GPC5: variants seen among roughly 807,000 people sequenced by gnomAD.
GPC5 encodes glypican-5.
Under a neutral mutation model 53.9 loss-of-function variants are expected in GPC5, and 47 were observed. That is an observed-to-expected ratio of 0.87 (90% CI 0.69 to 1.11). The LOEUF (loss-of-function observed/expected upper bound fraction) is 1.11. GPC5 is among the 50% of genes most tolerant of loss of function. The probability of loss-of-function intolerance (pLI) is 0.00; values close to 1 mark genes in which losing one functional copy is unlikely to be tolerated. For synonymous variants in GPC5, 286 were observed against 263.3 expected (o/e 1.09, Z -0.84); for missense variants, 748 against 713.1 (o/e 1.05, Z -0.56).
intron 7 of GPC5, among the ~76,000 whole-genome samples, chr13:92,497,938 C>T (rs2138925959): frequency 6.6e-6 from 1 of 152,060 alleles, no homozygotes; most frequent in Middle Eastern, 3.4e-3. Context: ...TTGCACATTG[C>T]TTTTGTATCC....
At chr13:92,841,177 T>C (rs995104542) in intron 7 of GPC5, among the ~76,000 whole-genome samples, 5 of 152,162 alleles carry the variant, frequency 3.3e-5, no homozygotes, top group Non-Finnish European at 7.4e-5. Context: ...TTTGTGTGCT[T>C]CACAAATTAT....
intron 7 of GPC5, among the ~76,000 whole-genome samples, chr13:92,330,004 CT>C (rs5805738): frequency 1.5e-4 from 23 of 151,758 alleles, no homozygotes; most frequent in East Asian, 3.9e-4. Context: ...ACAAACAAAA[CT>C]TTTTTTTTAA....
At chr13:91,448,108 C>G (rs1323523571) in intron 1 of GPC5, among the ~76,000 whole-genome samples, 3 of 152,200 alleles carry the variant, frequency 2.0e-5, no homozygotes, top group Non-Finnish European at 1.5e-5. Flanking sequence ...ATGCAATATA[C>G]ATCTTCACAG....
chr13:91,458,392 T>C (rs1367016295), intron 2 of GPC5, among the ~76,000 whole-genome samples: 3 of 152,106 alleles, frequency 2.0e-5, no homozygotes, highest in Non-Finnish European at 2.9e-5. Context: ...TTATATTGAA[T>C]GGGGAAAACT....
intron 7 of GPC5, among the ~76,000 whole-genome samples, chr13:92,177,841 G>A (rs1566471617): frequency 6.6e-6 from 1 of 152,138 alleles, no homozygotes; most frequent in Non-Finnish European, 1.5e-5. Context: ...AAAGCTCAAC[G>A]AAAATTGGCT....
At chr13:92,730,394 A>G (rs944258848) in intron 7 of GPC5, among the ~76,000 whole-genome samples, 5 of 151,326 alleles carry the variant, frequency 3.3e-5, no homozygotes, top group African/African-American at 1.2e-4. Context: ...ACCACCTTAT[A>G]ATGTTTTCCT....
Position 92,237,782 on chromosome 13 carries a change from A to G in GPC5, c.1561+92793A>G, listed in dbSNP as rs957960702. Among the ~76,000 whole-genome samples the G allele has an allele frequency of 3.3e-5, 5 of 152,222 alleles. No homozygotes were observed. The East Asian group carries it at 9.7e-4, about 29-fold the overall frequency. On this transcript the variant is annotated intron_variant, in intron 7 of 7. Coordinates refer to ENST00000377067, the MANE Select transcript of GPC5 (RefSeq NM_004466.6). ...CCACAATAAATTTTAGAACATTTTC[A>G]TCACCCCATAAAGAAACAACTTGCC...
At chr13:91,417,106 C>T (rs1227566024) in intron 1 of GPC5, among the ~76,000 whole-genome samples, 1 of 152,000 alleles carries the variant, frequency 6.6e-6, no homozygotes, top group African/African-American at 2.4e-5. Flanking sequence ...TTGTTAGAAC[C>T]TCTGAGGGAG....
intron 2 of GPC5, among the ~76,000 whole-genome samples, chr13:91,524,588 T>G (rs1885998663): frequency 6.6e-6 from 1 of 152,140 alleles, no homozygotes; most frequent in South Asian, 2.1e-4. Context: ...AGTGGCTTAT[T>G]TTCTTTGGGT....
intron 4 of GPC5, among the ~76,000 whole-genome samples, chr13:91,736,606 A>T (rs1183656004): frequency 1.3e-5 from 2 of 151,448 alleles, no homozygotes; most frequent in Non-Finnish European, 2.9e-5. Flanking sequence ...AAGATTACTT[A>T]AAAAAATAGA....
At chr13:91,985,109 T>G (rs2138723657) in intron 6 of GPC5, among the ~76,000 whole-genome samples, 1 of 152,326 alleles carries the variant, frequency 6.6e-6, no homozygotes, top group Non-Finnish European at 1.5e-5. Flanking sequence ...TTTTTTCCAC[T>G]TCTGTCTTTT....
intron 2 of GPC5, among the ~76,000 whole-genome samples, chr13:91,501,605 A>G (rs1387506037): frequency 6.6e-6 from 1 of 152,198 alleles, no homozygotes; most frequent in African/African-American, 2.4e-5. Context: ...ATAGTATTCC[A>G]TGGTGTATAT....
At chr13:92,206,165 T>C (rs1476468155) in intron 7 of GPC5, among the ~76,000 whole-genome samples, 2 of 64,792 alleles carry the variant, frequency 3.1e-5, no homozygotes, top group Non-Finnish European at 6.1e-5. Flanking sequence ...ATTTTTTTTT[T>C]TATTTTTTTT....
chr13:92,125,142 A>T (rs924211470), intron 6 of GPC5, among the ~76,000 whole-genome samples: 1 of 152,144 alleles, frequency 6.6e-6, no homozygotes, highest in African/African-American at 2.4e-5. Flanking sequence ...GTGACAAGGA[A>T]CCAACGGAGT....
At chr13:92,344,588 C>T (rs1380291649) in intron 7 of GPC5, among the ~76,000 whole-genome samples, 2 of 152,062 alleles carry the variant, frequency 1.3e-5, no homozygotes, top group East Asian at 3.9e-4. Flanking sequence ...GGACAGTCTT[C>T]CTAATTTGGT....
At chr13:92,405,938 A>G (rs1163142985) in intron 7 of GPC5, among the ~76,000 whole-genome samples, 1 of 152,216 alleles carries the variant, frequency 6.6e-6, no homozygotes, top group Non-Finnish European at 1.5e-5. Flanking sequence ...TATCAGAGAG[A>G]ACAGATGGAA....
intron 7 of GPC5, among the ~76,000 whole-genome samples, chr13:92,638,798 G>A (rs1290573904): frequency 1.3e-5 from 2 of 152,168 alleles, no homozygotes; most frequent in African/African-American, 4.8e-5. Flanking sequence ...GGGGAAGGAG[G>A]AGTCAGCAGA....
At chr13:92,407,364 G>A (rs1267715066) in intron 7 of GPC5, among the ~76,000 whole-genome samples, 1 of 152,118 alleles carries the variant, frequency 6.6e-6, no homozygotes, top group Non-Finnish European at 1.5e-5. Context: ...TGATAAAATA[G>A]CCCATTGGTA....
chr13:92,191,343 T>C (rs1159754153), intron 7 of GPC5, among the ~76,000 whole-genome samples: 1 of 152,116 alleles, frequency 6.6e-6, no homozygotes, highest in African/African-American at 2.4e-5. Context: ...TACTCATCTA[T>C]AAAAATGGCC....
Sources: allele counts gnomAD v4.1 joint callset (sites outside exome capture counted in the v4.1 genomes callset), GRCh38; gene constraint gnomAD v4.1.1; transcripts MANE v1.5; gene names NCBI Gene and HGNC (gene_info 2026-07-23, HGNC 2026-07-21).